MBOAT7: variants seen among roughly 807,000 people sequenced by gnomAD.
The protein encoded by MBOAT7 is membrane bound acylglycerophosphatidylinositol O-acyltransferase MBOAT7, also known as membrane-bound acylglycerophosphatidylinositol O-acyltransferase MBOAT7.
Under a neutral mutation model 47.4 loss-of-function variants are expected in MBOAT7, and 40 were observed. The ratio of observed to expected loss-of-function variants is 0.84; its 90% CI spans 0.66 to 1.10. The LOEUF (loss-of-function observed/expected upper bound fraction) is 1.10, where lower values mean the gene tolerates loss of function less well. MBOAT7 is among the 50% of genes least tolerant of loss of function. The pLI, the probability that MBOAT7 is intolerant of heterozygous loss-of-function variation, is 0.00. For synonymous variants in MBOAT7, 361 were observed against 292.0 expected (o/e 1.24, Z -2.41); for missense variants, 680 against 655.6 (o/e 1.04, Z -0.41).
intron 1 of MBOAT7, 104 bp downstream of exon 1, chr19:54,189,234 C>G (rs1256777701): frequency 1.3e-5 from 2 of 153,210 alleles, no homozygotes; most frequent in Non-Finnish European, 2.9e-5. Flanking sequence ...GCGCCAGCCC[C>G]GAGTTCCAAC....
At position 54,180,777 on chromosome 19, in the gene MBOAT7, T is replaced by C; in HGVS notation, c.850A>G (p.Ser284Gly). 2.3e-6 allele frequency: 3 copies of C among 1,312,480 alleles called. No individual in the cohort carries two copies. In the South Asian group the frequency reaches 3.8e-5, roughly 17 times the overall value. 81.3% of individuals were successfully genotyped at this position (1,312,480 alleles called of 1,614,324 possible). The change falls in exon 6 of 8, where the codon AGC (serine) becomes GGC (glycine). Residue 284 changes from serine to glycine, a missense_variant. Ser to Gly is a moderately conservative substitution (Grantham distance 56). Transcript: ENST00000245615. This position sits in a 1 kb window ranked among gnomAD's most constrained non-coding sequence, Gnocchi z 5.2. ...GCCTCCCTCGCGCCGCCTGACCTGC[T>C]GGGGGGTGGGCATTGGAGGGTGGGG... is the stretch of plus-strand genomic sequence containing the variant. ...GGPTLQCPPP[S>G]SPEKAASLEY...
chr19:54,184,157 CTCTCTT>C (rs1463570728), intron 4 of MBOAT7, among the ~76,000 whole-genome samples: 2 of 137,416 alleles, frequency 1.5e-5, no homozygotes, highest in Admixed American at 7.8e-5. Flanking sequence ...TTTAATCTCT[CTCTCTT>C]TTTTTTTTTT....
intron 1 of MBOAT7, 83 bp downstream of exon 1, chr19:54,189,255 G>GGCC (rs949339374): frequency 6.5e-6 from 1 of 153,368 alleles, no homozygotes; most frequent in Non-Finnish European, 1.5e-5. Context: ...GCGCCTCCGG[G>GGCC]GCCGCCCCGC....
intron 4 of MBOAT7, 191 bp downstream of exon 4, chr19:54,186,970 C>G (rs2076443616): frequency 1.5e-6 from 1 of 672,404 alleles, no homozygotes; most frequent in Non-Finnish European, 2.5e-6. Context: ...CCAGGAGGAG[C>G]TGGGAGGTGA....
chr19:54,187,939 C>T (rs183465896), intron 3 of MBOAT7, among the ~76,000 whole-genome samples: 6 of 151,722 alleles, frequency 4.0e-5, no homozygotes, highest in East Asian at 1.9e-4. Context: ...CGCTTGAACC[C>T]GGGAGGTGGA....
rs1364391670 is a variant in MBOAT7, at chr19:54,181,253, T to C, written c.494-120A>G. ...AAGAGGGAGTGAGAGGGGCAGAGAC[T>C]GGGCGCCGGGGAGACCCCAAGGGTA... On this transcript the variant is annotated intron_variant, in intron 5 of 7. Coordinates refer to ENST00000245615, the MANE Select transcript of MBOAT7 (RefSeq NM_024298.5). 1.7e-5 allele frequency: 21 copies of C among 1,252,920 alleles called. No homozygotes were observed. The South Asian group carries it at 2.6e-4, about 16-fold the overall frequency. The allele number at this position is 1,252,920 out of a possible 1,614,324, so 77.6% of individuals were successfully genotyped here. A position where few individuals can be genotyped will look rare whatever the true frequency, so the allele number is the denominator to read the frequency against.
intron 7 of MBOAT7, among the ~76,000 whole-genome samples, chr19:54,176,732 C>T (rs1024248786): frequency 1.3e-4 from 19 of 151,990 alleles, no homozygotes; most frequent in African/African-American, 4.4e-4. Context: ...GTGCTTTGAC[C>T]TGGCCTCAGC....
In MBOAT7 at chr19:54,181,027, G is replaced by A. The variant is rs759611488; in HGVS notation, c.600C>T (p.Leu200=). The change falls in exon 6 of 8, where the codon CTC becomes CTT. Residue 200 remains leucine (L), a synonymous_variant. Coordinates refer to ENST00000245615, the MANE Select transcript of MBOAT7 (RefSeq NM_024298.5). ...PLLRRAWPAP[L]FGLLFLLSSH... ...AGGAGAGCAGGAACAGCAGGCCGAAGAGCGGGGCCGGCCAGGCGCGGCGCA... is the reference window on the plus strand; with the variant it reads ...AGGAGAGCAGGAACAGCAGGCCGAAAAGCGGGGCCGGCCAGGCGCGGCGCA... 1.9e-6 allele frequency: 3 copies of A among 1,552,570 alleles called. No homozygotes were observed. The highest frequency in any genetic ancestry group is 2.0e-5 in the Admixed American group (1 of 50,944).
rs111958277 is a variant in MBOAT7 at position 54,188,695 on chromosome 19, G to A, written c.-3-184C>T. On this transcript the variant is annotated intron_variant, in intron 1 of 7. Coordinates refer to ENST00000245615, the MANE Select transcript of MBOAT7 (RefSeq NM_024298.5). ...GACTCCAGCCCCTTCCTCCTTGGAGGAGACAGGAATCCACCCCCAGCCCCT... is the reference window on the plus strand; with the variant it reads ...GACTCCAGCCCCTTCCTCCTTGGAGAAGACAGGAATCCACCCCCAGCCCCT... Among the ~76,000 whole-genome samples, 704 of 152,200 alleles carry A rather than the reference G, an allele frequency of 4.6e-3. 19 individuals carry two copies. In the South Asian group the frequency reaches 0.083, roughly 18 times the overall value.
At chr19:54,186,817 C>A (rs2076440198) in intron 4 of MBOAT7, 1 of 295,086 alleles carries the variant, frequency 3.4e-6, no homozygotes, top group Non-Finnish European at 6.4e-6. Flanking sequence ...ACCTTCTCCC[C>A]AGAGCTGGTT....
Position 54,178,887 on chromosome 19 carries a change from G to T in MBOAT7, c.909C>A (p.Asp303Glu), listed in dbSNP as rs777081257. The stretch of plus-strand genomic sequence containing the variant: ...GCACGCAGAAATCTGTGCTGTAGCA[G>T]TCGATGTTGCGGATGGTCTCATAGT... ...EYDYETIRNI[D>E]CYSTDFCVRV... is the part of the protein sequence containing the mutation. Residue 303 changes from aspartate to glutamate, a missense_variant, in exon 7 of 8, where the codon GAC becomes GAA. Transcript: ENST00000245615. 29 of 1,613,530 alleles carry T rather than the reference G, an allele frequency of 1.8e-5. No individual in the cohort carries two copies. The South Asian group carries it at 3.0e-4, about 16-fold the overall frequency.
At chr19:54,183,428 G>T in intron 5 of MBOAT7, 93 bp downstream of exon 5, 1 of 1,434,958 alleles carries the variant, frequency 7.0e-7, no homozygotes, top group Non-Finnish European at 9.5e-7. Flanking sequence ...GATGGAGGTT[G>T]CCCTGGGCAG....
chr19:54,185,218 C>T (rs910749024), intron 4 of MBOAT7, among the ~76,000 whole-genome samples: 1 of 152,044 alleles, frequency 6.6e-6, no homozygotes, highest in Non-Finnish European at 1.5e-5. Flanking sequence ...AAATAAATAA[C>T]ATTTAAAAAA....
chr19:54,175,036 C>CA (rs2076052601), intron 7 of MBOAT7, among the ~76,000 whole-genome samples: 1 of 144,776 alleles, frequency 6.9e-6, no homozygotes, highest in Non-Finnish European at 1.5e-5. Flanking sequence ...AGTGCAGTGG[C>CA]GCGATCTTGG....
Position 54,180,755 on chromosome 19 carries a change from TC to T in MBOAT7, c.854+17del. On this transcript the variant is annotated intron_variant, in intron 6 of 7. Transcript: ENST00000245615. The surrounding 1 kb of genome is among the most constrained non-coding windows in gnomAD (Gnocchi z 5.2). ...GGGGGCTGCTGGGTCTTGGGAAGCC[TC>T]CCTCGCGCCGCCTGACCTGCTGGGG... The T allele has an allele frequency of 6.9e-7, 1 of 1,449,896 alleles. No individual in the cohort carries two copies. Among genetic ancestry groups the T allele is most frequent in the Non-Finnish European group, 9.1e-7 (1 of 1,100,874 alleles). The allele number at this position is 1,449,896 out of a possible 1,614,324, so 89.8% of individuals were successfully genotyped here.
At chr19:54,176,534 A>C (rs941439084) in intron 7 of MBOAT7, among the ~76,000 whole-genome samples, 3 of 152,004 alleles carry the variant, frequency 2.0e-5, no homozygotes, top group Non-Finnish European at 4.4e-5. Context: ...CTTGAGCTGT[A>C]AAATAAACAA....
intron 7 of MBOAT7, among the ~76,000 whole-genome samples, chr19:54,175,195 G>A (rs1255594666): frequency 1.1e-4 from 16 of 152,060 alleles, no homozygotes; most frequent in East Asian, 7.7e-4. Flanking sequence ...AGCCAGGATG[G>A]TCTCGATCTC....
intron 7 of MBOAT7, among the ~76,000 whole-genome samples, chr19:54,175,365 C>G (rs896002599): frequency 3.3e-5 from 5 of 152,146 alleles, no homozygotes; most frequent in African/African-American, 1.2e-4. Flanking sequence ...GTCCCCACCC[C>G]TTTTGCACCA....
chr19:54,180,884 G>C lies in MBOAT7; in HGVS notation c.743C>G (p.Ala248Gly). 2 of 1,595,362 alleles carry C rather than the reference G, an allele frequency of 1.3e-6. No individual in the cohort carries two copies. Among genetic ancestry groups the C allele is most frequent in the Non-Finnish European group, 1.7e-6 (2 of 1,173,058 alleles). Residue 248 changes from alanine to glycine, a missense_variant, in exon 6 of 8, where the codon GCC becomes GGC. Physicochemically the swap from Ala to Gly is moderately conservative, Grantham distance 60. Transcript: ENST00000245615. This position sits in a 1 kb window ranked among gnomAD's most constrained non-coding sequence, Gnocchi z 5.2. ...FFAFRMRFYV[A>G]WIAAECGCIA... The stretch of plus-strand genomic sequence containing the variant: ...GCAGCCGCACTCGGCGGCAATCCAG[G>C]CCACGTAGAAGCGCATGCGGAAGGC...
Sources: allele counts gnomAD v4.1 joint callset (sites outside exome capture counted in the v4.1 genomes callset), GRCh38; gene constraint gnomAD v4.1.1; non-coding constraint Gnocchi (gnomAD v3.1); transcripts MANE v1.5; gene names NCBI Gene and HGNC (gene_info 2026-07-23, HGNC 2026-07-21).